GTF3C2: variants seen among roughly 807,000 people sequenced by gnomAD.
GTF3C2 encodes general transcription factor IIIC subunit 2.
A neutral mutation model predicts 117.4 loss-of-function variants in GTF3C2; 17 were observed. That is an observed-to-expected ratio of 0.14 (90% CI 0.10 to 0.22). The LOEUF (loss-of-function observed/expected upper bound fraction) is 0.22, where lower values mean the gene tolerates loss of function less well. Ranked by LOEUF, GTF3C2 falls within the 10% of genes least tolerant of loss-of-function variation. The pLI is 1.00. For synonymous variants in GTF3C2, 437 were observed against 427.0 expected, an observed-to-expected ratio of 1.02 and a Z score of -0.29; for missense variants, 888 against 1,143.6, an observed-to-expected ratio of 0.78 and a Z score of 3.22.
intron 3 of GTF3C2, 60 bp from the exon 4 acceptor site, chr2:27,342,293 G>T: frequency 7.1e-7 from 1 of 1,407,356 alleles, no homozygotes; most frequent in Non-Finnish European, 9.7e-7. Flanking sequence ...CACGTTTCCA[G>T]ACATGGTTGA....
chr2:27,349,115 G>A (rs1037097098), intron 1 of GTF3C2, among the ~76,000 whole-genome samples: 11 of 148,012 alleles, frequency 7.4e-5, no homozygotes, highest in Non-Finnish European at 1.6e-4. Flanking sequence ...GGGATTACAG[G>A]TGTGAGCCAC....
rs755413830 is a variant in GTF3C2, at chr2:27,333,604, TA to T, written c.1732+50del. On this transcript the variant is annotated intron_variant, in intron 12 of 18. Transcript: ENST00000264720. ...GAAAGAACCAAAAAACAAGCATATA[TA>T]AAAAATTTAAAGAGCAATAGTTCCT... The T allele has an allele frequency of 2.6e-5, 33 of 1,289,130 alleles. No homozygotes were observed. In the East Asian group the frequency reaches 7.2e-4, roughly 28 times the overall value. The allele number at this position is 1,289,130 out of a possible 1,614,324, so 79.9% of individuals were successfully genotyped here. A position where few individuals can be genotyped will look rare whatever the true frequency, so the allele number is the denominator to read the frequency against.
intron 1 of GTF3C2, chr2:27,356,299 AAG>A (rs1681376593): frequency 5.3e-6 from 2 of 378,448 alleles, no homozygotes; most frequent in South Asian, 3.8e-5. Context: ...ACACAGCTGA[AAG>A]AGATTGACCC....
chr2:27,336,523 G>T, intron 7 of GTF3C2, 98 bp from the exon 8 acceptor site: 3 of 692,008 alleles, frequency 4.3e-6, no homozygotes, highest in East Asian at 2.6e-5. Context: ...ACTGGCTCAA[G>T]CAAGAGCCTG....
intron 12 of GTF3C2, among the ~76,000 whole-genome samples, chr2:27,330,288 A>G (rs1419978475): frequency 1.3e-5 from 2 of 151,118 alleles, no homozygotes; most frequent in Admixed American, 6.6e-5. Context: ...TAAAACCCCC[A>G]TCTCTACTAA....
At position 27,342,385 on chromosome 2, in the gene GTF3C2, A is replaced by T. The variant is rs529509884; in HGVS notation, c.570-152T>A. 8.6e-5 allele frequency: 55 copies of T among 639,592 alleles called. 1 individual carries two copies. The East Asian group carries it at 1.3e-3, about 15-fold the overall frequency. 39.6% of individuals were successfully genotyped at this position (639,592 alleles called of 1,614,324 possible). A position where few individuals can be genotyped will look rare whatever the true frequency, so the allele number is the denominator to read the frequency against. On this transcript the variant is annotated intron_variant, in intron 3 of 18. Transcript: ENST00000264720. ...ATTTCCCCTTCCCCCTTGGAAGATG[A>T]AAAACCAGAAATCTAAGTTATGTGA...
intron 12 of GTF3C2, among the ~76,000 whole-genome samples, chr2:27,332,709 C>A (rs543949309): frequency 6.6e-6 from 1 of 151,604 alleles, no homozygotes; most frequent in Non-Finnish European, 1.5e-5. Flanking sequence ...CCACCGTGCC[C>A]GGCCTAAAAA....
Position 27,327,301 on chromosome 2 carries a change from G to A in GTF3C2, c.2410-17C>T, listed in dbSNP as rs1453619759. On this transcript the variant is annotated splice_polypyrimidine_tract_variant and intron_variant, in intron 17 of 18. Coordinates refer to ENST00000264720, the Ensembl canonical transcript of GTF3C2. Reference sequence around the variant, plus strand: ...GAATGAACCCTGGGGAAGGGAAATGGAATAGGAGAGAGAAAGTGAGACGCT... The same window carrying A: ...GAATGAACCCTGGGGAAGGGAAATGAAATAGGAGAGAGAAAGTGAGACGCT... 3 of 1,295,850 alleles carry A rather than the reference G, an allele frequency of 2.3e-6. No homozygotes were observed. The highest frequency in any genetic ancestry group is 3.3e-6 in the Non-Finnish European group (3 of 901,392). The allele number at this position is 1,295,850 out of a possible 1,614,324, so 80.3% of individuals were successfully genotyped here.
At chr2:27,331,936 C>T (rs1325921784) in intron 12 of GTF3C2, among the ~76,000 whole-genome samples, 4 of 152,008 alleles carry the variant, frequency 2.6e-5, no homozygotes, top group African/African-American at 9.7e-5. Flanking sequence ...GAGACCCTAT[C>T]TGAAAATAAA....
intron 10 of GTF3C2, 60 bp from the exon 11 acceptor site, chr2:27,334,059 T>G: frequency 7.6e-7 from 1 of 1,316,894 alleles, no homozygotes; most frequent in Non-Finnish European, 1.1e-6. Context: ...CAGGTCTTAC[T>G]CTGTCACCCA....
In GTF3C2 at chr2:27,327,294, G is replaced by A. The variant is rs1187355891; in HGVS notation, c.2410-10C>T. ...GATCATGGAATGAACCCTGGGGAAG[G>A]GAAATGGAATAGGAGAGAGAAAGTG... On this transcript the variant is annotated splice_polypyrimidine_tract_variant and intron_variant, in intron 17 of 18. Coordinates refer to ENST00000264720, the Ensembl canonical transcript of GTF3C2. 9.1e-6 allele frequency: 13 copies of A among 1,425,590 alleles called. No homozygotes were observed. The highest frequency in any genetic ancestry group is 1.3e-5 in the Non-Finnish European group (13 of 1,014,940). 88.3% of individuals were successfully genotyped at this position (1,425,590 alleles called of 1,614,324 possible).
intron 1 of GTF3C2, among the ~76,000 whole-genome samples, chr2:27,353,529 C>A (rs1681214858): frequency 6.6e-6 from 1 of 152,026 alleles, no homozygotes; most frequent in African/African-American, 2.4e-5. Flanking sequence ...GCCTCCGCCT[C>A]TGGGGTTCAA....
intron 4 of GTF3C2, chr2:27,339,938 G>A (rs1467845620): frequency 7.2e-6 from 1 of 139,160 alleles, no homozygotes; most frequent in African/African-American, 2.7e-5. Flanking sequence ...AGTGAGATGA[G>A]ATCACTCCAC....
Position 27,328,038 on chromosome 2 carries a change from A to G in GTF3C2, c.2408T>C (p.Leu803Ser), listed in dbSNP as rs781182085. The change falls in exon 17 of 19, where the codon TTG (leucine) becomes TCG (serine). Residue 803 changes from leucine to serine, a missense_variant and splice_region_variant. Leu to Ser is a moderately radical substitution (Grantham distance 145, BLOSUM62 -2). Around this residue, in one of 7 missense-constraint regions of GTF3C2, gnomAD observed 129 missense variants for 156.0 expected, o/e 0.83. Coordinates refer to ENST00000264720, the Ensembl canonical transcript of GTF3C2. ...CCCATTCTCCTGGCCTCAGCTTACC[A>G]AATCTGTGTCTTGAAAGAGCAAGTA... is the stretch of plus-strand genomic sequence containing the variant. 6.2e-7 allele frequency: 1 copy of G among 1,609,478 alleles called. No homozygotes were observed. Among genetic ancestry groups the G allele is most frequent in the Non-Finnish European group, 8.5e-7 (1 of 1,178,726 alleles).
At chr2:27,328,723 G>C in intron 15 of GTF3C2, 121 bp downstream of exon 15, 1 of 1,062,416 alleles carries the variant, frequency 9.4e-7, no homozygotes, top group Non-Finnish European at 1.4e-6. Flanking sequence ...CAGCCCTGAT[G>C]ATAGAGTTAC....
chr2:27,342,607 G>A (rs1370878794), intron 3 of GTF3C2: 1 of 574,690 alleles, frequency 1.7e-6, no homozygotes. Flanking sequence ...AAATGGCATA[G>A]GACATAAAGT....
chr2:27,342,875 C>T (rs1479404675), exon 3 of GTF3C2: 9 of 1,614,032 alleles, frequency 5.6e-6, no homozygotes, highest in Non-Finnish European at 7.6e-6. Context: ...GTCTCAAAGT[C>T]CTCAGGGGGC....
chr2:27,328,681 C>A lies in GTF3C2; in HGVS notation c.2128-85G>T, dbSNP rs1680175590. The A allele has an allele frequency of 4.9e-6, 6 of 1,226,530 alleles. No homozygotes were observed. The Admixed American group carries it at 5.8e-5, about 12-fold the overall frequency. The allele number at this position is 1,226,530 out of a possible 1,614,324, so 76.0% of individuals were successfully genotyped here. On this transcript the variant is annotated intron_variant, in intron 15 of 18. Coordinates refer to ENST00000264720, the Ensembl canonical transcript of GTF3C2. ...ACAGCTGCACAGTCTGAGAGACAGA[C>A]ACACAAACAAAAATGAGTTTACCAT...
chr2:27,354,055 TA>T (rs11399437), intron 1 of GTF3C2, among the ~76,000 whole-genome samples: 1,660 of 117,102 alleles, frequency 0.014, 17 homozygotes, highest in Middle Eastern at 0.032. Flanking sequence ...AGCAAAACAT[TA>T]AAAAAAAAAA....
Sources: allele counts gnomAD v4.1 joint callset (sites outside exome capture counted in the v4.1 genomes callset), GRCh38; gene constraint gnomAD v4.1.1; regional missense constraint gnomAD v4.1.1; transcripts MANE v1.5; gene names NCBI Gene and HGNC (gene_info 2026-07-23, HGNC 2026-07-21).